PDE9A: variants seen among roughly 807,000 people sequenced by gnomAD.
PDE9A encodes the protein phosphodiesterase 9A.
PDE9A carries 60 observed loss-of-function variants against 87.4 expected under a neutral mutation model. That is an observed-to-expected ratio of 0.69 (90% CI 0.56 to 0.85). The LOEUF (loss-of-function observed/expected upper bound fraction) is 0.85, where lower values mean the gene tolerates loss of function less well. Among genes scored for constraint, PDE9A ranks in the 40% least tolerant of loss-of-function variants. PDE9A has a pLI of 0.00. For synonymous variants in PDE9A, 272 were observed against 279.4 expected (o/e 0.97, Z 0.27); for missense variants, 665 against 779.0 (o/e 0.85, Z 1.74).
intron 3 of PDE9A, among the ~76,000 whole-genome samples, chr21:42,693,886 C>G (rs2060005687): frequency 6.6e-6 from 1 of 152,124 alleles, no homozygotes; most frequent in Non-Finnish European, 1.5e-5. Flanking sequence ...GCCACCATGC[C>G]CAGCCCACCC....
rs761008535 is a variant in PDE9A at position 42,660,423 on chromosome 21, G to C, written c.69+6540G>C. Among the ~76,000 whole-genome samples, 1 of 152,174 alleles carries C rather than the reference G, an allele frequency of 6.6e-6. No individual in the cohort carries two copies. The highest frequency in any genetic ancestry group is 1.5e-5 in the Non-Finnish European group (1 of 68,032). On this transcript the variant is annotated intron_variant, in intron 1 of 19. Coordinates refer to ENST00000291539, the MANE Select transcript of PDE9A (RefSeq NM_002606.3). The surrounding 1 kb of genome is among the most constrained non-coding windows in gnomAD (Gnocchi z 4.7). Reference sequence around the variant, plus strand: ...CTTGTGGAGGTTGAGACCAAGGCCAGTTGGGTGCTTGCATTTCCAGGGGTC... The same window carrying C: ...CTTGTGGAGGTTGAGACCAAGGCCACTTGGGTGCTTGCATTTCCAGGGGTC...
In PDE9A at chr21:42,720,889, C is replaced by G. The variant is rs2050443703; in HGVS notation, c.263-10881C>G. On this transcript the variant is annotated intron_variant, in intron 4 of 19. Transcript: ENST00000291539. ...GCGTGGTGGTGCATGTCTGTTAACC[C>G]AGCTGCTCGGGAGGCTGAGGCAGGA... Among the ~76,000 whole-genome samples the G allele has an allele frequency of 2.0e-5, 3 of 151,878 alleles. No homozygotes were observed. The South Asian group carries it at 6.3e-4, about 32-fold the overall frequency.
In PDE9A at chr21:42,748,217, T is replaced by G. The variant is rs114146080; in HGVS notation, c.654-2899T>G. Among the ~76,000 whole-genome samples the G allele has an allele frequency of 5.4e-3, 820 of 152,382 alleles. 11 individuals carry two copies. The highest frequency in any genetic ancestry group is 0.019 in the African/African-American group (774 of 41,592). On this transcript the variant is annotated intron_variant, in intron 8 of 19. Coordinates refer to ENST00000291539, the MANE Select transcript of PDE9A (RefSeq NM_002606.3). Reference sequence around the variant, plus strand: ...AGAAATCATCATCATGCCATCTATTTTTTTTAACTACGCAGAAAACGTTCG... The same window carrying G: ...AGAAATCATCATCATGCCATCTATTGTTTTTAACTACGCAGAAAACGTTCG...
Position 42,770,707 on chromosome 21 carries a change from T to C in PDE9A, c.1595T>C (p.Phe532Ser). 1 of 1,612,992 alleles carries C rather than the reference T, an allele frequency of 6.2e-7. No homozygotes were observed. Among genetic ancestry groups the C allele is most frequent in the Non-Finnish European group, 8.5e-7 (1 of 1,178,924 alleles). Residue 532 changes from phenylalanine (F) to serine (S), a missense_variant, in exon 18 of 20, where the codon TTC becomes TCC. By Grantham distance (155) the Phe-to-Ser change is radical. Coordinates refer to ENST00000291539, the MANE Select transcript of PDE9A (RefSeq NM_002606.3). ...IPMFETVTKL[F>S]PMVEEIMLQP... is the part of the protein sequence containing the mutation. ...AAATCCGTGTGTCTCTCCCAGCTCT[T>C]CCCCATGGTTGAGGAGATCATGCTG...
At chr21:42,765,530 C>T (rs761105377) in intron 15 of PDE9A, 36 bp downstream of exon 15, 8 of 1,227,392 alleles carry the variant, frequency 6.5e-6, no homozygotes, top group Admixed American at 1.7e-5. Flanking sequence ...GGCAGCCAGG[C>T]GGTGGGCTGG....
chr21:42,759,700 GTC>G lies in PDE9A; in HGVS notation c.897+617_897+618del, dbSNP rs989702487. Among the ~76,000 whole-genome samples the G allele has an allele frequency of 2.0e-5, 3 of 150,938 alleles. No homozygotes were observed. The highest frequency in any genetic ancestry group is 3.0e-5 in the Non-Finnish European group (2 of 67,630). ...ATGTGTATATCTGGATGTGGGGTGT[GTC>G]TGTGTGTGGGTGTGTGTGAGGGTGT... On this transcript the variant is annotated intron_variant, in intron 11 of 19. Transcript: ENST00000291539. The surrounding 1 kb of genome is among the most constrained non-coding windows in gnomAD (Gnocchi z 7.2).
chr21:42,681,200 C>T (rs909004720), intron 1 of PDE9A, among the ~76,000 whole-genome samples: 5 of 152,232 alleles, frequency 3.3e-5, no homozygotes, highest in African/African-American at 9.6e-5. Flanking sequence ...ACTGGTTATG[C>T]GCTTGCCCAC....
In PDE9A at chr21:42,743,756, G is replaced by GTC. The variant is rs753571952; in HGVS notation, c.569-10_569-9dup. The stretch of plus-strand genomic sequence containing the variant: ...ATTCGTCCGTGGTAACCCCCTTGCT[G>GTC]TCTCTCTCTCTGTCACCAGTGGAAG... On this transcript the variant is annotated intron_variant, in intron 7 of 19. Transcript: ENST00000291539. 2.6e-5 allele frequency: 39 copies of GTC among 1,493,008 alleles called. No individual in the cohort carries two copies. The East Asian group carries it at 4.8e-4, about 18-fold the overall frequency. The allele number at this position is 1,493,008 out of a possible 1,614,324, so 92.5% of individuals were successfully genotyped here.
chr21:42,724,702 C>T, intron 4 of PDE9A: 1 of 577,572 alleles, frequency 1.7e-6, no homozygotes, highest in East Asian at 1.4e-4. Context: ...GTGTCTGTAC[C>T]CTTCCTGAGA....
intron 1 of PDE9A, among the ~76,000 whole-genome samples, chr21:42,677,540 G>C (rs962681314): frequency 6.6e-6 from 1 of 152,300 alleles, no homozygotes; most frequent in South Asian, 2.1e-4. Flanking sequence ...CCGCGACCCA[G>C]CCCCTAAGTG....
At chr21:42,672,976 G>A (rs1348703268) in intron 1 of PDE9A, among the ~76,000 whole-genome samples, 4 of 152,290 alleles carry the variant, frequency 2.6e-5, no homozygotes, top group Admixed American at 1.3e-4. Flanking sequence ...ACTTGCTTGC[G>A]AAACAGCCTT....
rs1249170128 is a variant in PDE9A at position 42,694,230 on chromosome 21, C to T, written c.219-4738C>T. ...GGTTGGTGGGTTGGTTGGGTTGTGT[C>T]TCTCTTTAACTTCCTCCACTTCTGA... On this transcript the variant is annotated intron_variant, in intron 3 of 19. Coordinates refer to ENST00000291539, the MANE Select transcript of PDE9A (RefSeq NM_002606.3). The surrounding 1 kb of genome is among the most constrained non-coding windows in gnomAD (Gnocchi z 5.3). Among the ~76,000 whole-genome samples the T allele has an allele frequency of 6.6e-6, 1 of 152,194 alleles. No homozygotes were observed. Among genetic ancestry groups the T allele is most frequent in the Non-Finnish European group, 1.5e-5 (1 of 68,040 alleles).
chr21:42,745,748 C>T (rs1334397540), intron 8 of PDE9A, among the ~76,000 whole-genome samples: 1 of 152,248 alleles, frequency 6.6e-6, no homozygotes, highest in Non-Finnish European at 1.5e-5. Context: ...CCCCTCTGCC[C>T]AGAGCCAGGC....
Position 42,743,735 on chromosome 21 carries a change from G to A in PDE9A, c.569-41G>A, listed in dbSNP as rs138843498. The A allele has an allele frequency of 1.3e-3, 1,744 of 1,308,562 alleles. 33 individuals are homozygous for A. The East Asian group carries it at 0.034, about 26-fold the overall frequency. 81.1% of individuals were successfully genotyped at this position (1,308,562 alleles called of 1,614,324 possible). On this transcript the variant is annotated intron_variant, in intron 7 of 19. Coordinates refer to ENST00000291539, the MANE Select transcript of PDE9A (RefSeq NM_002606.3). ...CAGCCTTGAGAGATCCTCCACATTC[G>A]TCCGTGGTAACCCCCTTGCTGTCTC...
At position 42,698,830 on chromosome 21, in the gene PDE9A, T is replaced by C. The variant is rs1296147880; in HGVS notation, c.219-138T>C. ...GGAAGCTGAGAACAGTCAAAGAAGC[T>C]AATTTAAAAAATAAAAATAAATAAA... On this transcript the variant is annotated intron_variant, in intron 3 of 19. Transcript: ENST00000291539. 4.5e-5 allele frequency: 24 copies of C among 533,742 alleles called. No homozygotes were observed. The South Asian group carries it at 6.7e-4, about 15-fold the overall frequency. 33.1% of individuals were successfully genotyped at this position (533,742 alleles called of 1,614,324 possible). A position where few individuals can be genotyped will look rare whatever the true frequency, so the allele number is the denominator to read the frequency against.
At chr21:42,671,668 G>A (rs1445807673) in intron 1 of PDE9A, among the ~76,000 whole-genome samples, 1 of 152,208 alleles carries the variant, frequency 6.6e-6, no homozygotes, top group East Asian at 1.9e-4. Context: ...TTGATTGACA[G>A]ATGATTCATA....
At chr21:42,712,460 C>T (rs2049439668) in intron 4 of PDE9A, among the ~76,000 whole-genome samples, 1 of 152,160 alleles carries the variant, frequency 6.6e-6, no homozygotes, top group African/African-American at 2.4e-5. Context: ...ATCATGACAT[C>T]TAAGAATAAT....
intron 10 of PDE9A, among the ~76,000 whole-genome samples, chr21:42,754,805 T>C (rs2054848109): frequency 6.6e-6 from 1 of 152,170 alleles, no homozygotes; most frequent in African/African-American, 2.4e-5. Flanking sequence ...AGTGACTTTC[T>C]CCTTCTCTGC....
At chr21:42,758,310 C>G (rs987765538) in intron 10 of PDE9A, 2 of 152,258 alleles carry the variant, frequency 1.3e-5, no homozygotes, top group African/African-American at 2.4e-5. Flanking sequence ...AAAACAAAAT[C>G]TATTTCAACT....
Sources: allele counts gnomAD v4.1 joint callset (sites outside exome capture counted in the v4.1 genomes callset), GRCh38; gene constraint gnomAD v4.1.1; non-coding constraint Gnocchi (gnomAD v3.1); transcripts MANE v1.5; gene names NCBI Gene and HGNC (gene_info 2026-07-23, HGNC 2026-07-21).